RCAN1: variants seen among roughly 807,000 people sequenced by gnomAD.
RCAN1 encodes the protein calcipressin-1.
Under a neutral mutation model 22.9 loss-of-function variants are expected in RCAN1, and 11 were observed. The ratio of observed to expected loss-of-function variants is 0.48; its 90% CI spans 0.30 to 0.79. The LOEUF is 0.79. Ranked by LOEUF, RCAN1 falls within the 30% of genes least tolerant of loss-of-function variation. The probability of loss-of-function intolerance (pLI) is 0.06; values close to 1 mark genes in which losing one functional copy is unlikely to be tolerated. For missense variants in RCAN1, 291 were observed against 337.8 expected, an observed-to-expected ratio of 0.86 and a Z score of 1.09; for synonymous variants, 136 against 142.3, an observed-to-expected ratio of 0.96 and a Z score of 0.32.
Position 34,526,594 on chromosome 21 carries a change from C to G in RCAN1, c.253-2884G>C, listed in dbSNP as rs1227289630. 5 of 1,458,878 alleles carry G rather than the reference C, an allele frequency of 3.4e-6. No individual in the cohort carries two copies. In the African/African-American group the frequency reaches 7.2e-5, roughly 21 times the overall value. The allele number at this position is 1,458,878 out of a possible 1,614,324, so 90.4% of individuals were successfully genotyped here. A position where few individuals can be genotyped will look rare whatever the true frequency, so the allele number is the denominator to read the frequency against. ...AGAGAGCCACATTCTCCCAAGTATT[C>G]AGTTAATAGTCCCAGTTAGCATAAT... On this transcript the variant is annotated intron_variant, in intron 1 of 3. Coordinates refer to ENST00000313806, the MANE Select transcript of RCAN1 (RefSeq NM_004414.7).
At chr21:34,519,383 TTCTTTC>T (rs1480689199) in intron 3 of RCAN1, among the ~76,000 whole-genome samples, 1 of 130,846 alleles carries the variant, frequency 7.6e-6, no homozygotes, top group Non-Finnish European at 1.7e-5. Flanking sequence ...TTTTTTCTTT[TTCTTTC>T]TTTCTTTCTT....
At chr21:34,559,646 T>TA (rs1986717509) in intron 1 of RCAN1, 1 of 152,222 alleles carries the variant, frequency 6.6e-6, no homozygotes, top group South Asian at 2.1e-4. Flanking sequence ...TTCTGACTGA[T>TA]AATAATTCTG....
At chr21:34,552,212 G>A (rs983762128) in intron 1 of RCAN1, among the ~76,000 whole-genome samples, 7 of 152,056 alleles carry the variant, frequency 4.6e-5, no homozygotes, top group African/African-American at 1.5e-4. Flanking sequence ...GATGTTGTTT[G>A]GTATATAGTG....
intron 1 of RCAN1, among the ~76,000 whole-genome samples, chr21:34,574,214 C>T (rs1473854787): frequency 6.6e-6 from 1 of 152,238 alleles, no homozygotes; most frequent in African/African-American, 2.4e-5. Context: ...GTTGGACTGA[C>T]ATCAGTCTTT....
intron 1 of RCAN1, among the ~76,000 whole-genome samples, chr21:34,588,297 C>T (rs1987865537): frequency 1.3e-5 from 2 of 152,082 alleles, no homozygotes; most frequent in African/African-American, 4.8e-5. Context: ...CTTGGTGGGC[C>T]ATGGTGGTGA....
chr21:34,605,462 A>C (rs895295925), intron 1 of RCAN1, among the ~76,000 whole-genome samples: 16 of 152,136 alleles, frequency 1.1e-4, no homozygotes, highest in Admixed American at 2.6e-4. Context: ...CATCTAGAGA[A>C]CCCTAATATA....
At chr21:34,549,221 T>G (rs552344109) in intron 1 of RCAN1, among the ~76,000 whole-genome samples, 1 of 152,178 alleles carries the variant, frequency 6.6e-6, no homozygotes, top group Non-Finnish European at 1.5e-5. Flanking sequence ...ATGCTCTCAG[T>G]GGCCCTCGAA....
chr21:34,525,056 G>A lies in RCAN1; in HGVS notation c.253-1346C>T, dbSNP rs182223938. 1.9e-3 allele frequency: 2,973 copies of A among 1,549,998 alleles called. 39 individuals carry two copies. Among genetic ancestry groups the A allele is most frequent in the Non-Finnish European group, 1.0e-3 (1,157 of 1,146,642 alleles). ...GAAGGGGATGGCGCAGGGTGTGGAT[G>A]GTAGGCAGCGCGGACAGAGCTCACT... is the stretch of plus-strand genomic sequence containing the variant. On this transcript the variant is annotated intron_variant, in intron 1 of 3. Transcript: ENST00000313806.
intron 1 of RCAN1, among the ~76,000 whole-genome samples, chr21:34,611,167 T>G (rs1427070383): frequency 6.6e-6 from 1 of 152,292 alleles, no homozygotes; most frequent in South Asian, 2.1e-4. Flanking sequence ...CTAACCATTT[T>G]CAGCAATTCA....
chr21:34,563,794 T>TATATAGAGAG (rs765741781), intron 1 of RCAN1, among the ~76,000 whole-genome samples: 19 of 48,716 alleles, frequency 3.9e-4, no homozygotes, highest in African/African-American at 1.4e-3. Flanking sequence ...TATATATATA[T>TATATAGAGAG]AGAGAGAGAG....
At chr21:34,571,522 A>G (rs1344840315) in intron 1 of RCAN1, among the ~76,000 whole-genome samples, 1 of 152,220 alleles carries the variant, frequency 6.6e-6, no homozygotes, top group Non-Finnish European at 1.5e-5. Flanking sequence ...AACAGTGTCA[A>G]TCAGTTTGTT....
At chr21:34,519,671 A>T (rs1008971137) in intron 3 of RCAN1, among the ~76,000 whole-genome samples, 2 of 151,862 alleles carry the variant, frequency 1.3e-5, no homozygotes, top group Non-Finnish European at 2.9e-5. Flanking sequence ...TGCTGGGATT[A>T]CAGGCATGAG....
chr21:34,597,994 G>A (rs1988219505), intron 1 of RCAN1, among the ~76,000 whole-genome samples: 1 of 151,924 alleles, frequency 6.6e-6, no homozygotes, highest in East Asian at 1.9e-4. Flanking sequence ...AAATAGATAG[G>A]GTCTATATAA....
intron 1 of RCAN1, among the ~76,000 whole-genome samples, chr21:34,574,083 T>A (rs1301799122): frequency 6.6e-6 from 1 of 152,190 alleles, no homozygotes; most frequent in Non-Finnish European, 1.5e-5. Context: ...ACTCACCAAA[T>A]GAAGCCTACT....
chr21:34,542,493 G>A (rs961217054), intron 1 of RCAN1, among the ~76,000 whole-genome samples: 1 of 152,146 alleles, frequency 6.6e-6, no homozygotes, highest in Non-Finnish European at 1.5e-5. Context: ...CTCACTGGCA[G>A]CTGGTATTTT....
intron 1 of RCAN1, among the ~76,000 whole-genome samples, chr21:34,570,640 CTTT>C (rs56226026): frequency 2.2e-5 from 3 of 134,764 alleles, no homozygotes; most frequent in Non-Finnish European, 3.2e-5. Flanking sequence ...ATAGTGGACT[CTTT>C]TTTTTTTTTT....
At chr21:34,587,230 C>T (rs1259056924) in intron 1 of RCAN1, among the ~76,000 whole-genome samples, 3 of 152,044 alleles carry the variant, frequency 2.0e-5, no homozygotes, top group Non-Finnish European at 2.9e-5. Flanking sequence ...AAAAATACAA[C>T]TTACAAAAAT....
intron 1 of RCAN1, chr21:34,524,968 G>C: frequency 6.9e-7 from 1 of 1,457,864 alleles, no homozygotes; most frequent in Non-Finnish European, 9.1e-7. Flanking sequence ...CTTTTTACCA[G>C]GCAAAAACAC....
Position 34,606,407 on chromosome 21 carries a change from T to C in RCAN1, c.252+8353A>G, listed in dbSNP as rs146957328. On this transcript the variant is annotated intron_variant, in intron 1 of 3. Transcript: ENST00000313806. ...CTGCAACTGTCTTGGTAAATTCCTT[T>C]ACTGCCTGTGACACTGACCCCGGCT... Among the ~76,000 whole-genome samples, 730 of 152,336 alleles carry C rather than the reference T, an allele frequency of 4.8e-3. 23 individuals are homozygous for C. The East Asian group carries it at 0.078, about 16-fold the overall frequency.
Sources: gnomAD v4.1 joint callset for allele counts (sites outside exome capture counted in the v4.1 genomes callset) on GRCh38, gnomAD v4.1.1 for gene constraint, MANE v1.5 for transcripts, NCBI Gene and HGNC (gene_info 2026-07-23, HGNC 2026-07-21) for gene names.